PRMT8: variants seen among roughly 807,000 people sequenced by gnomAD.
PRMT8 encodes the protein protein arginine N-methyltransferase 8.
PRMT8 carries 7 observed loss-of-function variants against 47.1 expected under a neutral mutation model. The observed-to-expected ratio is 0.15, with a 90% CI of 0.08 to 0.28. The LOEUF is 0.28. Among genes scored for constraint, PRMT8 ranks in the 10% least tolerant of loss-of-function variants. PRMT8 has a pLI of 1.00. For synonymous variants in PRMT8, 188 were observed against 186.5 expected, an observed-to-expected ratio of 1.01 and a Z score of -0.07; for missense variants, 237 against 505.4, an observed-to-expected ratio of 0.47 and a Z score of 5.09.
chr12:3,457,100 G>A lies in PRMT8; in HGVS notation c.48+75658G>A, dbSNP rs965437357. Among the ~76,000 whole-genome samples, 3 of 152,148 alleles carry A rather than the reference G, an allele frequency of 2.0e-5. 1 individual carries two copies. Among genetic ancestry groups the A allele is most frequent in the African/African-American group, 7.2e-5 (3 of 41,428 alleles). On this transcript the variant is annotated intron_variant, in intron 1 of 9. Coordinates refer to the PRMT8 transcript ENST00000452611. The stretch of plus-strand genomic sequence containing the variant: ...TTGTTTTGTTTTGTTTGCAGAGGAG[G>A]CATCTCCTAAAGGGGAGGTGCTGTT...
intron 4 of PRMT8, among the ~76,000 whole-genome samples, chr12:3,567,438 G>C (rs996031383): frequency 1.3e-5 from 2 of 152,168 alleles, no homozygotes; most frequent in Non-Finnish European, 2.9e-5. Context: ...ATTTGGTATT[G>C]AGCCTGGCTG....
At chr12:3,478,294 A>ATCTG (rs1044473780) in intron 1 of PRMT8, among the ~76,000 whole-genome samples, 1 of 147,606 alleles carries the variant, frequency 6.8e-6, no homozygotes, top group African/African-American at 2.5e-5. Flanking sequence ...CTATCTATCT[A>ATCTG]TCTATCTATC....
chr12:3,521,598 C>T (rs1038628996), intron 1 of PRMT8, among the ~76,000 whole-genome samples: 7 of 151,978 alleles, frequency 4.6e-5, no homozygotes, highest in South Asian at 2.1e-4. Context: ...ACAAGAATTA[C>T]GGGTGTACGG....
At chr12:3,397,532 G>A (rs1293121824) in intron 1 of PRMT8, among the ~76,000 whole-genome samples, 2 of 151,198 alleles carry the variant, frequency 1.3e-5, no homozygotes, top group South Asian at 2.2e-4. Context: ...CGGGGGTCAG[G>A]GGTCAGGGAC....
At chr12:3,506,204 G>A (rs1452098545) in intron 1 of PRMT8, among the ~76,000 whole-genome samples, 1 of 152,178 alleles carries the variant, frequency 6.6e-6, no homozygotes, top group Non-Finnish European at 1.5e-5. Context: ...TGTATGGGTA[G>A]TGGTGCATTA....
intron 1 of PRMT8, among the ~76,000 whole-genome samples, chr12:3,525,076 G>C (rs146749316): frequency 0.016 from 2,394 of 152,254 alleles, 63 homozygotes; most frequent in East Asian, 0.1. Flanking sequence ...ACAAAAATTA[G>C]CTGGGTGTGG....
At chr12:3,444,765 C>T (rs1263495315) in intron 1 of PRMT8, among the ~76,000 whole-genome samples, 1 of 152,254 alleles carries the variant, frequency 6.6e-6, no homozygotes, top group Non-Finnish European at 1.5e-5. Context: ...GGGAGATTGC[C>T]TTTGCCCAAT....
intron 1 of PRMT8, among the ~76,000 whole-genome samples, chr12:3,470,936 A>G (rs759184459): frequency 9.9e-5 from 15 of 152,190 alleles, no homozygotes; most frequent in Non-Finnish European, 1.8e-4. Flanking sequence ...GACAGGCTTA[A>G]TGGGACGACT....
rs1297789736 is a variant in PRMT8, at chr12:3,570,525, G to A, written c.712+961G>A. 6.6e-6 allele frequency among the ~76,000 whole-genome samples: 1 copy of A among 152,164 alleles called. No individual in the cohort carries two copies. The highest frequency in any genetic ancestry group is 2.4e-5 in the African/African-American group (1 of 41,442). On this transcript the variant is annotated intron_variant, in intron 6 of 9. Coordinates refer to ENST00000382622, the MANE Select transcript of PRMT8 (RefSeq NM_019854.5). This position sits in a 1 kb window ranked among gnomAD's most constrained non-coding sequence, Gnocchi z 5.5. The stretch of plus-strand genomic sequence containing the variant: ...CAACAGGGTGGTCCATTCCTACTTG[G>A]CAAGATTACTGTGGAGGGGTTCACA...
In PRMT8 at chr12:3,520,189, C is replaced by T. The variant is rs574501874; in HGVS notation, c.76-20417C>T. Among the ~76,000 whole-genome samples, 13 of 152,306 alleles carry T rather than the reference C, an allele frequency of 8.5e-5. No individual in the cohort carries two copies. The East Asian group carries it at 2.5e-3, about 29-fold the overall frequency. ...GAGACCCTTTGCAGTTGCTGGGTCA[C>T]CAGAAGGGGCGATGTAAAATACAAA... is the stretch of plus-strand genomic sequence containing the variant. On this transcript the variant is annotated intron_variant, in intron 1 of 9. Transcript: ENST00000382622.
intron 1 of PRMT8, among the ~76,000 whole-genome samples, chr12:3,460,540 C>A (rs1043549142): frequency 4.0e-5 from 6 of 151,836 alleles, no homozygotes; most frequent in Non-Finnish European, 8.8e-5. Context: ...TGGAGGTTTG[C>A]GGGAGGAAGA....
chr12:3,483,483 C>T (rs1336053942), intron 1 of PRMT8, among the ~76,000 whole-genome samples: 2 of 151,834 alleles, frequency 1.3e-5, no homozygotes, highest in Non-Finnish European at 2.9e-5. Flanking sequence ...CTTGAGTGGT[C>T]CTTAACCCCA....
intron 1 of PRMT8, among the ~76,000 whole-genome samples, chr12:3,520,619 G>A (rs1267980817): frequency 1.3e-5 from 2 of 152,142 alleles, no homozygotes; most frequent in African/African-American, 2.4e-5. Context: ...TTTGTAAGTG[G>A]GTCATCCCAA....
At position 3,577,796 on chromosome 12, in the gene PRMT8, C is replaced by A. The variant is rs1286980641; in HGVS notation, c.828+810C>A. Among the ~76,000 whole-genome samples, 6 of 152,152 alleles carry A rather than the reference C, an allele frequency of 3.9e-5. No individual in the cohort carries two copies. The East Asian group carries it at 1.2e-3, about 29-fold the overall frequency. On this transcript the variant is annotated intron_variant, in intron 7 of 9. Coordinates refer to ENST00000382622, the MANE Select transcript of PRMT8 (RefSeq NM_019854.5). ...AAAGATTAGACACGCCTGCTCTAAA[C>A]ACCTTTGCCCGAGGCTTCCTTCAGT... is the stretch of plus-strand genomic sequence containing the variant.
intron 1 of PRMT8, chr12:3,462,949 G>C (rs1438427022): frequency 6.7e-6 from 1 of 150,326 alleles, no homozygotes; most frequent in Non-Finnish European, 1.5e-5. Context: ...CACAAGCTTA[G>C]GGCTCAGTCC....
chr12:3,559,779 A>C (rs1168494446), intron 4 of PRMT8, among the ~76,000 whole-genome samples: 1 of 151,842 alleles, frequency 6.6e-6, no homozygotes, highest in African/African-American at 2.4e-5. Context: ...CCACATGGGC[A>C]CCCTCCTCTG....
At position 3,569,311 on chromosome 12, in the gene PRMT8, T is replaced by C. The variant is rs576954523; in HGVS notation, c.625-166T>C. 1.7e-3 allele frequency among the ~76,000 whole-genome samples: 261 copies of C among 152,326 alleles called. 2 individuals are homozygous for C. Among genetic ancestry groups the C allele is most frequent in the Non-Finnish European group, 3.1e-3 (213 of 68,030 alleles). On this transcript the variant is annotated intron_variant, in intron 5 of 9. Transcript: ENST00000382622. This position sits in a 1 kb window ranked among gnomAD's most constrained non-coding sequence, Gnocchi z 8.2. ...AATTTTCCTTGCTCCAAAATAAAAA[T>C]TGAGCACTGCTGTCCTAGCCCTCAC...
At chr12:3,435,502 T>C (rs558873918) in intron 1 of PRMT8, among the ~76,000 whole-genome samples, 2 of 97,840 alleles carry the variant, frequency 2.0e-5, no homozygotes, top group African/African-American at 1.3e-4. Flanking sequence ...CAACGTCATG[T>C]TTTTTTTTTT....
In PRMT8 at chr12:3,468,770, C is replaced by A. The variant is rs75789203; in HGVS notation, c.49-71836C>A. Among the ~76,000 whole-genome samples the A allele has an allele frequency of 3.2e-3, 483 of 152,338 alleles. 13 individuals are homozygous for A. In the East Asian group the frequency reaches 0.065, roughly 20 times the overall value. On this transcript the variant is annotated intron_variant, in intron 1 of 9. Transcript: ENST00000452611. ...AGCCAAGAAATGGTCAGCAAGCAGGCAATGTCCCTGAAACACCTGAAATAA... is the reference window on the plus strand; with the variant it reads ...AGCCAAGAAATGGTCAGCAAGCAGGAAATGTCCCTGAAACACCTGAAATAA...
Sources: gnomAD v4.1 joint callset for allele counts (sites outside exome capture counted in the v4.1 genomes callset) on GRCh38, gnomAD v4.1.1 for gene constraint, Gnocchi (gnomAD v3.1) non-coding constraint, MANE v1.5 for transcripts, NCBI Gene and HGNC (gene_info 2026-07-23, HGNC 2026-07-21) for gene names.